Variants in PLAGL1 observed in about 807,000 individuals in gnomAD.
The protein encoded by PLAGL1 is PLAG1 like zinc finger 1.
Under a neutral mutation model 4.6 loss-of-function variants are expected in PLAGL1, and 1 was observed. The observed-to-expected ratio is 0.22, with a 90% CI of 0.08 to 1.03. The LOEUF is 1.03. Ranked by LOEUF, PLAGL1 falls within the 50% of genes least tolerant of loss-of-function variation. The pLI, the probability that PLAGL1 is intolerant of heterozygous loss-of-function variation, is 0.58. For synonymous variants in PLAGL1, 240 were observed against 237.8 expected (o/e 1.01, Z -0.08); for missense variants, 464 against 570.4 (o/e 0.81, Z 1.90).
rs1329409456 is a variant in PLAGL1 at position 144,013,452 on chromosome 6, ACTTC to A, written c.-150-44478_-150-44475del. ...AAATGACAACTAGGAATGGAATGGA[ACTTC>A]CTTAGCCAGATAGTGGCTATATTTT... On this transcript the variant is annotated intron_variant, in intron 1 of 3. Coordinates refer to the PLAGL1 transcript ENST00000437412. This position sits in a 1 kb window ranked among gnomAD's most constrained non-coding sequence, Gnocchi z 4.4. Among the ~76,000 whole-genome samples the A allele has an allele frequency of 6.6e-6, 1 of 152,244 alleles. No individual in the cohort carries two copies. The highest frequency in any genetic ancestry group is 2.4e-5 in the African/African-American group (1 of 41,468).
upstream of PLAGL1, among the ~76,000 whole-genome samples, chr6:144,009,225 G>C (rs1466158057): frequency 2.0e-5 from 3 of 152,186 alleles, no homozygotes; most frequent in Non-Finnish European, 2.9e-5. Flanking sequence ...CTAGCAATGA[G>C]AACATTTGCA....
intron 1 of PLAGL1, among the ~76,000 whole-genome samples, chr6:144,038,372 C>CA (rs1180650379): frequency 6.6e-6 from 1 of 151,930 alleles, no homozygotes; most frequent in South Asian, 2.1e-4. Flanking sequence ...CCAGAATTAC[C>CA]AAAAAATCTT....
chr6:143,980,955 A>T (rs1787807297), intron 2 of PLAGL1, among the ~76,000 whole-genome samples: 1 of 152,230 alleles, frequency 6.6e-6, no homozygotes. Flanking sequence ...ATTGGAATAC[A>T]TTCTGATACA....
rs552915745 is a variant in PLAGL1 at position 143,982,183 on chromosome 6, G to A, written c.-544+2952C>T. On this transcript the variant is annotated intron_variant, in intron 2 of 7. Transcript: ENST00000674357. The surrounding 1 kb of genome is among the most constrained non-coding windows in gnomAD (Gnocchi z 5.3). The stretch of plus-strand genomic sequence containing the variant: ...ATTTTAAAAAAAAAAGTAATGAAGA[G>A]ACAGGAAGTGCTAAGAGATTTAGCA... Among the ~76,000 whole-genome samples, 6 of 152,176 alleles carry A rather than the reference G, an allele frequency of 3.9e-5. No homozygotes were observed. Among genetic ancestry groups the A allele is most frequent in the Non-Finnish European group, 5.9e-5 (4 of 67,994 alleles).
At chr6:144,042,439 C>T (rs1359898868) in intron 1 of PLAGL1, among the ~76,000 whole-genome samples, 1 of 152,110 alleles carries the variant, frequency 6.6e-6, no homozygotes, top group South Asian at 2.1e-4. Flanking sequence ...GAATCCTTTC[C>T]CCATTTCTTG....
chr6:144,058,588 T>C (rs1181226979), intron 1 of PLAGL1, among the ~76,000 whole-genome samples: 1 of 152,166 alleles, frequency 6.6e-6, no homozygotes, highest in East Asian at 1.9e-4. Context: ...TTTTTGGGCC[T>C]ATAAAAGCAA....
Position 143,949,860 on chromosome 6 carries a change from T to C in PLAGL1, c.-324-1400A>G, listed in dbSNP as rs1385501510. On this transcript the variant is annotated intron_variant, in intron 6 of 7. Coordinates refer to ENST00000674357, the MANE Select transcript of PLAGL1 (RefSeq NM_001317162.2). The surrounding 1 kb of genome is among the most constrained non-coding windows in gnomAD (Gnocchi z 5.3). Reference sequence around the variant, plus strand: ...TTTATTGTTAAAAGTTAATTTTTACTTACCTTTTTGGTTACTTTCAGATCA... The same window carrying C: ...TTTATTGTTAAAAGTTAATTTTTACCTACCTTTTTGGTTACTTTCAGATCA... 6.6e-6 allele frequency among the ~76,000 whole-genome samples: 1 copy of C among 152,200 alleles called. No individual in the cohort carries two copies. The highest frequency in any genetic ancestry group is 1.5e-5 in the Non-Finnish European group (1 of 68,034).
At position 143,978,008 on chromosome 6, in the gene PLAGL1, C is replaced by T. The variant is rs1235717859; in HGVS notation, c.-544+7127G>A. Among the ~76,000 whole-genome samples, 2 of 152,150 alleles carry T rather than the reference C, an allele frequency of 1.3e-5. No homozygotes were observed. Among genetic ancestry groups the T allele is most frequent in the African/African-American group, 2.4e-5 (1 of 41,436 alleles). On this transcript the variant is annotated intron_variant, in intron 2 of 7. Transcript: ENST00000674357. This position sits in a 1 kb window ranked among gnomAD's most constrained non-coding sequence, Gnocchi z 4.6. ...TTCTCTTACTAATCCTGTATTTTATCCATGGGATTAGCAGAATAACACCTC... is the reference window on the plus strand; with the variant it reads ...TTCTCTTACTAATCCTGTATTTTATTCATGGGATTAGCAGAATAACACCTC...
rs17073267 is a variant in PLAGL1 at position 143,963,515 on chromosome 6, C to T, written c.-399+1272G>A. Reference sequence around the variant, plus strand: ...AACTTTACCTAATACCTTCAACAACCGCATGAGTAGGTAGCATTAACCCTA... The same window carrying T: ...AACTTTACCTAATACCTTCAACAACTGCATGAGTAGGTAGCATTAACCCTA... On this transcript the variant is annotated intron_variant, in intron 5 of 7. Transcript: ENST00000674357. This position sits in a 1 kb window ranked among gnomAD's most constrained non-coding sequence, Gnocchi z 6.1. Among the ~76,000 whole-genome samples, 37,118 of 152,076 alleles carry T rather than the reference C, an allele frequency of 0.24. 4,635 individuals are homozygous for T. The highest frequency in any genetic ancestry group is 0.33 in the East Asian group (1,727 of 5,166).
rs774823257 is a variant in PLAGL1, at chr6:144,061,290, G to A, written c.-151+3178C>T. Among the ~76,000 whole-genome samples, 3 of 152,296 alleles carry A rather than the reference G, an allele frequency of 2.0e-5. No individual in the cohort carries two copies. The highest frequency in any genetic ancestry group is 1.9e-4 in the East Asian group (1 of 5,180). ...TTCAGTTACCCATCAGCCATATGAC[G>A]TTAGCAAGTCAGTCTCTTCCAATTC... On this transcript the variant is annotated intron_variant, in intron 1 of 3. Coordinates refer to the PLAGL1 transcript ENST00000437412. This position sits in a 1 kb window ranked among gnomAD's most constrained non-coding sequence, Gnocchi z 4.4.
chr6:144,058,214 C>G (rs188498063), intron 1 of PLAGL1, among the ~76,000 whole-genome samples: 1 of 152,282 alleles, frequency 6.6e-6, no homozygotes, highest in East Asian at 1.9e-4. Context: ...CCCAGCATGT[C>G]ACATGATGAG....
chr6:143,940,631 TC>T lies in PLAGL1; in HGVS notation c.*792del, dbSNP rs1778384108. ...TATATTTTTAATTCCAGTAATATTT[TC>T]TTAAATTCCTGTTAAAAATATAATC... On this transcript the variant is annotated 3_prime_UTR_variant, in exon 8 of 8. Transcript: ENST00000674357. 2 of 152,432 alleles carry T rather than the reference TC, an allele frequency of 1.3e-5. No homozygotes were observed. The highest frequency in any genetic ancestry group is 4.1e-4 in the South Asian group (2 of 4,828). 9.4% of individuals were successfully genotyped at this position (152,432 alleles called of 1,614,324 possible). A position where few individuals can be genotyped will look rare whatever the true frequency, so the allele number is the denominator to read the frequency against.
chr6:144,051,980 T>C lies in PLAGL1; in HGVS notation c.-151+12488A>G, dbSNP rs145516107. On this transcript the variant is annotated intron_variant, in intron 1 of 3. Coordinates refer to the PLAGL1 transcript ENST00000437412. ...CATATATTCATGAATTACAGTTTAA[T>C]CTAACAATATTTACCTTACCACTCA... Among the ~76,000 whole-genome samples, 25 of 152,346 alleles carry C rather than the reference T, an allele frequency of 1.6e-4. No individual in the cohort carries two copies. In the East Asian group the frequency reaches 3.9e-3, roughly 23 times the overall value.
intron 1 of PLAGL1, among the ~76,000 whole-genome samples, chr6:143,992,304 C>G (rs1376865073): frequency 1.3e-5 from 2 of 152,164 alleles, no homozygotes; most frequent in South Asian, 2.1e-4. Context: ...TGTACAATGA[C>G]AAAGGTGGTA....
rs2128656440 is a variant in PLAGL1 at position 144,000,842 on chromosome 6, GA to G, written c.-584+7247del. 6.6e-6 allele frequency among the ~76,000 whole-genome samples: 1 copy of G among 152,182 alleles called. No individual in the cohort carries two copies. Among genetic ancestry groups the G allele is most frequent in the South Asian group, 2.1e-4 (1 of 4,830 alleles). ...ACTTGCAAAGTTCTAAGAAATACTG[GA>G]AAAACATCCTTTAAAATGTCAGATA... On this transcript the variant is annotated intron_variant, in intron 1 of 7. Transcript: ENST00000674357. This position sits in a 1 kb window ranked among gnomAD's most constrained non-coding sequence, Gnocchi z 4.1.
intron 1 of PLAGL1, among the ~76,000 whole-genome samples, chr6:144,029,571 A>G (rs529297123): frequency 6.6e-6 from 1 of 152,394 alleles, no homozygotes; most frequent in Non-Finnish European, 1.5e-5. Context: ...CATAAGAGAA[A>G]TGCAAATTAA....
At position 143,945,247 on chromosome 6, in the gene PLAGL1, A is replaced by G. The variant is rs1477514171; in HGVS notation, c.153-2584T>C. Among the ~76,000 whole-genome samples, 1 of 152,198 alleles carries G rather than the reference A, an allele frequency of 6.6e-6. No homozygotes were observed. The highest frequency in any genetic ancestry group is 2.4e-5 in the African/African-American group (1 of 41,430). ...TATAACCCATGAAAACAGCTTTAGT[A>G]TGTCCTAGAGTCAGTACCCAATGCC... On this transcript the variant is annotated intron_variant, in intron 7 of 7. Transcript: ENST00000674357. This position sits in a 1 kb window ranked among gnomAD's most constrained non-coding sequence, Gnocchi z 4.2.
chr6:144,035,453 T>C (rs1258154417), intron 1 of PLAGL1, among the ~76,000 whole-genome samples: 2 of 152,216 alleles, frequency 1.3e-5, no homozygotes, highest in African/African-American at 4.8e-5. Context: ...ACTCAGCAAA[T>C]CTGCCCTCCC....
rs1191350655 is a variant in PLAGL1 at position 143,952,110 on chromosome 6, A to G, written c.-324-3650T>C. Among the ~76,000 whole-genome samples the G allele has an allele frequency of 6.6e-6, 1 of 151,974 alleles. No homozygotes were observed. Among genetic ancestry groups the G allele is most frequent in the Non-Finnish European group, 1.5e-5 (1 of 67,962 alleles). On this transcript the variant is annotated intron_variant, in intron 6 of 7. Coordinates refer to ENST00000674357, the MANE Select transcript of PLAGL1 (RefSeq NM_001317162.2). This position sits in a 1 kb window ranked among gnomAD's most constrained non-coding sequence, Gnocchi z 6.1. The stretch of plus-strand genomic sequence containing the variant: ...GTCAAAGCTTAGCTATTAAAAAACG[A>G]CAACAACAACAACAACAACTGTGGG...
Sources: gnomAD v4.1 joint callset for allele counts (sites outside exome capture counted in the v4.1 genomes callset) on GRCh38, gnomAD v4.1.1 for gene constraint, Gnocchi (gnomAD v3.1) non-coding constraint, MANE v1.5 for transcripts, NCBI Gene and HGNC (gene_info 2026-07-23, HGNC 2026-07-21) for gene names.